TDP1: variants seen among roughly 807,000 people sequenced by gnomAD.
The protein encoded by TDP1 is tyrosyl-DNA phosphodiesterase 1, also known as tyr-DNA phosphodiesterase 1.
In TDP1, 64 loss-of-function variants were observed where a neutral mutation model predicts 81.5. That is an observed-to-expected ratio of 0.79 (90% CI 0.64 to 0.97). TDP1 has a LOEUF of 0.97. Ranked by LOEUF, TDP1 falls within the 50% of genes least tolerant of loss-of-function variation. The probability of loss-of-function intolerance (pLI) is 0.00; values close to 1 mark genes in which losing one functional copy is unlikely to be tolerated. For synonymous variants in TDP1, 256 were observed against 264.3 expected (o/e 0.97, Z 0.30); for missense variants, 723 against 743.8 (o/e 0.97, Z 0.33).
Position 89,975,743 on chromosome 14 carries a change from G to A in TDP1, c.757-38G>A, listed in dbSNP as rs200259449. On this transcript the variant is annotated intron_variant, in intron 6 of 16. Transcript: ENST00000335725. ...ATTTCCAGTAGATATGGATATTAGTGAGTTGTTTTTAAATAAATGACTTCT... is the reference window on the plus strand; with the variant it reads ...ATTTCCAGTAGATATGGATATTAGTAAGTTGTTTTTAAATAAATGACTTCT... 48 of 1,557,720 alleles carry A rather than the reference G, an allele frequency of 3.1e-5. No individual in the cohort carries two copies. The East Asian group carries it at 9.9e-4, about 32-fold the overall frequency.
intron 14 of TDP1, among the ~76,000 whole-genome samples, chr14:90,001,372 A>T (rs1228036751): frequency 6.6e-6 from 1 of 152,228 alleles, no homozygotes; most frequent in Non-Finnish European, 1.5e-5. Context: ...TATGGTTGCC[A>T]TAGTTACCAC....
intron 3 of TDP1, among the ~76,000 whole-genome samples, chr14:89,964,431 A>G (rs1892695447): frequency 6.6e-6 from 1 of 152,226 alleles, no homozygotes; most frequent in African/African-American, 2.4e-5. Context: ...TAAACTGGAA[A>G]TGCAGAAAAA....
In TDP1 at chr14:89,993,381, G is replaced by T. The variant is rs750416947; in HGVS notation, c.1439G>T (p.Trp480Leu). 1 of 1,612,860 alleles carries T rather than the reference G, an allele frequency of 6.2e-7. No homozygotes were observed. Among genetic ancestry groups the T allele is most frequent in the South Asian group, 1.1e-5 (1 of 91,034 alleles). The change falls in exon 14 of 17, where the codon TGG (tryptophan) becomes TTG (leucine). Residue 480 changes from tryptophan (W) to leucine (L), a missense_variant. Coordinates refer to ENST00000335725, the MANE Select transcript of TDP1 (RefSeq NM_018319.4). ...TTTGTCTTTTCTGTCACTAGCAAAT[G>T]GTCAGCTGAGACTTCTGGCCGCAGC... ...QNWLHSYFHK[W>L]SAETSGRSNA...
intron 14 of TDP1, among the ~76,000 whole-genome samples, chr14:90,018,485 G>T (rs557286804): frequency 2.0e-5 from 3 of 152,046 alleles, no homozygotes; most frequent in East Asian, 3.9e-4. Flanking sequence ...TTCTTGAGAC[G>T]AGGTTTTAAT....
chr14:90,042,301 A>T (rs1888434989), intron 16 of TDP1, among the ~76,000 whole-genome samples: 2 of 152,220 alleles, frequency 1.3e-5, no homozygotes, highest in Non-Finnish European at 2.9e-5. Flanking sequence ...AAAAGAAGAA[A>T]GGAATTGCTG....
At chr14:90,023,020 G>A in intron 15 of TDP1, 1 of 761,686 alleles carries the variant, frequency 1.3e-6, no homozygotes, top group Non-Finnish European at 2.4e-6. Flanking sequence ...CCCTGTGCCT[G>A]CTGTCTTCCA....
chr14:89,965,621 C>A (rs993347268), intron 3 of TDP1: 1 of 229,694 alleles, frequency 4.4e-6, no homozygotes, highest in Non-Finnish European at 7.2e-6. Context: ...AGTGAGACTT[C>A]CCTAGAGATG....
At chr14:90,020,564 TC>T in intron 15 of TDP1, among the ~76,000 whole-genome samples, 5 of 12,788 alleles carry the variant, frequency 3.9e-4, no homozygotes, top group African/African-American at 3.8e-3. Context: ...CTTCCCTCCC[TC>T]CCTCCCTTCC....
Position 89,993,400 on chromosome 14 carries a change from C to T in TDP1, c.1458C>T (p.Gly486=), listed in dbSNP as rs1256139882. The change falls in exon 14 of 17, where the codon GGC becomes GGT. Residue 486 remains glycine (G), a synonymous_variant. Coordinates refer to ENST00000335725, the MANE Select transcript of TDP1 (RefSeq NM_018319.4). ...YFHKWSAETS[G]RSNAMPHIKT... ...GCAAATGGTCAGCTGAGACTTCTGG[C>T]CGCAGCAATGCCATGCCACATATTA... 3 of 1,613,690 alleles carry T rather than the reference C, an allele frequency of 1.9e-6. No homozygotes were observed. Among genetic ancestry groups the T allele is most frequent in the Non-Finnish European group, 2.5e-6 (3 of 1,179,708 alleles).
At chr14:89,975,864 TC>T in intron 7 of TDP1, 49 bp downstream of exon 7, 1 of 1,479,648 alleles carries the variant, frequency 6.8e-7, no homozygotes, top group Non-Finnish European at 9.5e-7. Flanking sequence ...TTGTCATTTG[TC>T]CATTACACGG....
chr14:89,985,230 T>C lies in TDP1; in HGVS notation c.1131+20T>C, dbSNP rs777376915. On this transcript the variant is annotated intron_variant, in intron 10 of 16. Transcript: ENST00000335725. Reference sequence around the variant, plus strand: ...AAGAAGGTAACAGAACTTTTACTATTTTAACATTTTTAAAAAATTTAATGT... The same window carrying C: ...AAGAAGGTAACAGAACTTTTACTATCTTAACATTTTTAAAAAATTTAATGT... The C allele has an allele frequency of 1.4e-6, 2 of 1,433,716 alleles. No homozygotes were observed. The highest frequency in any genetic ancestry group is 4.7e-5 in the East Asian group (2 of 42,656). The allele number at this position is 1,433,716 out of a possible 1,614,324, so 88.8% of individuals were successfully genotyped here.
chr14:90,012,969 T>C (rs1246640968), intron 14 of TDP1, among the ~76,000 whole-genome samples: 1 of 152,228 alleles, frequency 6.6e-6, no homozygotes, highest in Non-Finnish European at 1.5e-5. Context: ...AAGATTTGAC[T>C]GCCCTGACAG....
At position 89,989,015 on chromosome 14, in the gene TDP1, T is replaced by C. The variant is rs1895878332; in HGVS notation, c.1242T>C (p.Ser414=). 3.1e-6 allele frequency: 5 copies of C among 1,614,060 alleles called. No individual in the cohort carries two copies. Among genetic ancestry groups the C allele is most frequent in the Non-Finnish European group, 4.2e-6 (5 of 1,180,014 alleles). Residue 414 remains serine (S), a synonymous_variant, in exon 11 of 17, where the codon TCT becomes TCC. Transcript: ENST00000335725. ...CCGATGAATCAAAGTGGTTATGTTC[T>C]GAGTTTAAAGAGAGCATGCTGACAC... The part of the protein sequence containing the change: ...LGADESKWLC[S]EFKESMLTLG...
At position 90,043,223 on chromosome 14, in the gene TDP1, C is replaced by G. The variant is rs1355550425; in HGVS notation, c.*80C>G. The G allele has an allele frequency of 3.2e-6, 5 of 1,570,064 alleles. No homozygotes were observed. The highest frequency in any genetic ancestry group is 4.4e-6 in the Non-Finnish European group (5 of 1,144,632). On this transcript the variant is annotated 3_prime_UTR_variant, in exon 17 of 17. Transcript: ENST00000335725. ...ATCTCTTCTTTGTACTGGATGTCCACTTCCCTTAAAGTCTTATTTGCACCC... is the reference window on the plus strand; with the variant it reads ...ATCTCTTCTTTGTACTGGATGTCCAGTTCCCTTAAAGTCTTATTTGCACCC...
intron 14 of TDP1, among the ~76,000 whole-genome samples, chr14:89,999,674 A>G (rs1897024474): frequency 6.6e-6 from 1 of 152,206 alleles, no homozygotes; most frequent in Non-Finnish European, 1.5e-5. Context: ...AACATGATAG[A>G]CTTTAAAAAA....
intron 14 of TDP1, among the ~76,000 whole-genome samples, chr14:90,006,415 G>A (rs1897692698): frequency 6.6e-6 from 1 of 152,130 alleles, no homozygotes; most frequent in African/African-American, 2.4e-5. Context: ...ATTTCACGCT[G>A]TCACTCAGGC....
Position 89,967,435 on chromosome 14 carries a change from G to A in TDP1, c.659+13G>A, listed in dbSNP as rs756814241. ...CACCAGAGTTCAGGTGAGTTCCTCA[G>A]GGTGACAGACAACACTATAAACTGT... On this transcript the variant is annotated intron_variant, in intron 5 of 16. Coordinates refer to ENST00000335725, the MANE Select transcript of TDP1 (RefSeq NM_018319.4). The A allele has an allele frequency of 6.2e-7, 1 of 1,612,512 alleles. No homozygotes were observed. The highest frequency in any genetic ancestry group is 1.3e-5 in the African/African-American group (1 of 74,994).
At chr14:90,029,446 G>A (rs1373844972) in intron 15 of TDP1, among the ~76,000 whole-genome samples, 30 of 150,554 alleles carry the variant, frequency 2.0e-4, no homozygotes, top group African/African-American at 3.7e-4. Flanking sequence ...TCATCCGCCC[G>A]CCTCGGCCTC....
chr14:89,967,348 C>A lies in TDP1; in HGVS notation c.604-19C>A, dbSNP rs1248492173. ...CAGAATTACCTATGGCTTAGTTACTCTTCTTTTCTCCCATCTAGTTTAACT... is the reference window on the plus strand; with the variant it reads ...CAGAATTACCTATGGCTTAGTTACTATTCTTTTCTCCCATCTAGTTTAACT... On this transcript the variant is annotated intron_variant, in intron 4 of 16. Transcript: ENST00000335725. 1 of 1,613,010 alleles carries A rather than the reference C, an allele frequency of 6.2e-7. No homozygotes were observed. The highest frequency in any genetic ancestry group is 8.5e-7 in the Non-Finnish European group (1 of 1,179,086).
Sources: allele counts gnomAD v4.1 joint callset (sites outside exome capture counted in the v4.1 genomes callset), GRCh38; gene constraint gnomAD v4.1.1; transcripts MANE v1.5; gene names NCBI Gene and HGNC (gene_info 2026-07-23, HGNC 2026-07-21).